Variants in SYNE1 observed in about 807,000 individuals in gnomAD.
The protein encoded by SYNE1 is nesprin-1.
A neutral mutation model predicts 1,111.0 loss-of-function variants in SYNE1; 616 were observed. That is an observed-to-expected ratio of 0.55 (90% confidence interval 0.52 to 0.59). The LOEUF is 0.59. SYNE1 is among the 20% of genes least tolerant of loss of function. The probability of loss-of-function intolerance (pLI) is 0.00; values close to 1 mark genes in which losing one functional copy is unlikely to be tolerated. For missense variants in SYNE1, 10,006 were observed against 10,417.0 expected (o/e 0.96, Z 1.72); for synonymous variants, 3,855 against 3,825.8 (o/e 1.01, Z -0.28).
At position 152,268,063 on chromosome 6, in the gene SYNE1, C is replaced by T; in HGVS notation, c.18808G>A (p.Asp6270Asn). The stretch of plus-strand genomic sequence containing the variant: ...AAGCATTTTGAAACATACCCAGCAT[C>T]ACCAGAGGTCTCTGCCGCCGAATGT... The part of the protein sequence containing the change: ...IQHSAAETSG[D>N]AGEKPDVLSQ... The change falls in exon 100 of 146, where the codon GAT (aspartate) becomes AAT (asparagine). Residue 6270 changes from aspartate (D) to asparagine (N), a missense_variant. Around this residue, in one of 7 missense-constraint regions of SYNE1, gnomAD observed 2,182 missense variants for 2,287.8 expected, o/e 0.95. Coordinates refer to ENST00000367255, the MANE Select transcript of SYNE1 (RefSeq NM_182961.4). 1 of 1,613,410 alleles carries T rather than the reference C, an allele frequency of 6.2e-7. No individual in the cohort carries two copies. The highest frequency in any genetic ancestry group is 8.5e-7 in the Non-Finnish European group (1 of 1,179,364).
chr6:152,585,653 C>T (rs960632321), intron 3 of SYNE1, among the ~76,000 whole-genome samples: 1 of 152,042 alleles, frequency 6.6e-6, no homozygotes, highest in Admixed American at 6.6e-5. Context: ...TTTTTAGGCA[C>T]TGAAATGTAC....
chr6:152,458,294 A>G (rs1160820756), intron 22 of SYNE1, among the ~76,000 whole-genome samples: 1 of 152,184 alleles, frequency 6.6e-6, no homozygotes, highest in Non-Finnish European at 1.5e-5. Context: ...TCTCTATAAC[A>G]CATCCCTTAT....
intron 124 of SYNE1, among the ~76,000 whole-genome samples, chr6:152,210,323 T>C (rs891858323): frequency 2.6e-5 from 4 of 152,220 alleles, no homozygotes; most frequent in African/African-American, 9.6e-5. Flanking sequence ...ATTTTTATTT[T>C]ACTTAATGAC....
At chr6:152,530,581 C>T (rs2449112) in intron 4 of SYNE1, among the ~76,000 whole-genome samples, 29,370 of 149,748 alleles carry the variant, frequency 0.2, 3,076 homozygotes, top group Middle Eastern at 0.33. Context: ...AGAAACAATT[C>T]ATAAGTTTTA....
chr6:152,236,029 A>G (rs2083941487), intron 110 of SYNE1, 78 bp downstream of exon 110: 1 of 1,496,646 alleles, frequency 6.7e-7, no homozygotes, highest in Admixed American at 1.7e-5. Flanking sequence ...GGTTTGAGCC[A>G]TCATCCCCCA....
At chr6:152,579,591 G>T (rs971922895) in intron 3 of SYNE1, among the ~76,000 whole-genome samples, 2 of 152,052 alleles carry the variant, frequency 1.3e-5, no homozygotes, top group Non-Finnish European at 2.9e-5. Flanking sequence ...TGTGTTGGGG[G>T]TTTACTATAC....
chr6:152,315,550 C>T (rs2095693725), intron 87 of SYNE1: 1 of 152,110 alleles, frequency 6.6e-6, no homozygotes, highest in African/African-American at 2.4e-5. Flanking sequence ...AATTATTTTT[C>T]AAAGAGATTT....
intron 131 of SYNE1, among the ~76,000 whole-genome samples, chr6:152,160,942 A>G (rs1225042863): frequency 6.6e-6 from 1 of 151,980 alleles, no homozygotes; most frequent in African/African-American, 2.4e-5. Context: ...AGATATATAT[A>G]TGAATATATA....
intron 48 of SYNE1, 27 bp downstream of exon 48, chr6:152,399,589 C>G: frequency 6.2e-7 from 1 of 1,613,188 alleles, no homozygotes; most frequent in Non-Finnish European, 8.5e-7. Flanking sequence ...AAACAAACTA[C>G]TCATGCTAAG....
chr6:152,174,039 G>A (rs1181590921), intron 130 of SYNE1, among the ~76,000 whole-genome samples: 2 of 152,176 alleles, frequency 1.3e-5, no homozygotes, highest in Non-Finnish European at 2.9e-5. Flanking sequence ...TAAGTTAGCT[G>A]CTTATGACTA....
rs770967581 is a variant in SYNE1 at position 152,233,761 on chromosome 6, G to A, written c.20712+20C>T. 6.2e-6 allele frequency: 10 copies of A among 1,614,038 alleles called. No individual in the cohort carries two copies. The highest frequency in any genetic ancestry group is 1.7e-5 in the Admixed American group (1 of 60,030). Reference sequence around the variant, plus strand: ...ATAGCTTAAGTCAGCTATTTCCCACGAAAGCAATCCTTTCTGTACCTGGTG... The same window carrying A: ...ATAGCTTAAGTCAGCTATTTCCCACAAAAGCAATCCTTTCTGTACCTGGTG... On this transcript the variant is annotated intron_variant, in intron 112 of 145. Transcript: ENST00000367255.
chr6:152,403,486 T>C (rs1232728645), intron 46 of SYNE1, among the ~76,000 whole-genome samples: 1 of 152,180 alleles, frequency 6.6e-6, no homozygotes, highest in Admixed American at 6.5e-5. Flanking sequence ...TTTGGGAGGC[T>C]GAGGCAGGCA....
At chr6:152,371,895 A>AGGACAGGACAGGAC (rs1563461063) in intron 59 of SYNE1, among the ~76,000 whole-genome samples, 23 of 111,420 alleles carry the variant, frequency 2.1e-4, no homozygotes, top group African/African-American at 9.4e-4. Flanking sequence ...AAGGAAAGGA[A>AGGACAGGACAGGAC]AGGAAAGGAA....
chr6:152,510,594 T>G (rs2099080190), intron 7 of SYNE1, among the ~76,000 whole-genome samples: 1 of 152,178 alleles, frequency 6.6e-6, no homozygotes, highest in Non-Finnish European at 1.5e-5. Context: ...GTAGAATACA[T>G]GAATGAATTA....
intron 6 of SYNE1, among the ~76,000 whole-genome samples, chr6:152,516,667 C>T (rs911949335): frequency 1.3e-5 from 2 of 152,132 alleles, no homozygotes; most frequent in Non-Finnish European, 2.9e-5. Flanking sequence ...TAGCCTCAAC[C>T]TCCCAGGCTC....
chr6:152,436,422 C>T (rs950184385), intron 32 of SYNE1, among the ~76,000 whole-genome samples: 1 of 152,016 alleles, frequency 6.6e-6, no homozygotes, highest in Non-Finnish European at 1.5e-5. Context: ...CTACCTCAAC[C>T]TCCTGAGTAG....
chr6:152,220,557 C>G (rs1202020623), intron 119 of SYNE1, among the ~76,000 whole-genome samples: 2 of 152,074 alleles, frequency 1.3e-5, no homozygotes, highest in East Asian at 3.9e-4. Context: ...ATATTGACCA[C>G]CCTAGAAAAC....
chr6:152,576,279 C>G (rs7749912), intron 3 of SYNE1, among the ~76,000 whole-genome samples: 41,129 of 152,074 alleles, frequency 0.27, 7,431 homozygotes, highest in African/African-American at 0.51. Context: ...TAAGGAATTA[C>G]TAGGCATTTA....
At chr6:152,559,901 G>C (rs191806047) in intron 3 of SYNE1, among the ~76,000 whole-genome samples, 8 of 152,130 alleles carry the variant, frequency 5.3e-5, no homozygotes, top group African/African-American at 1.9e-4. Context: ...AGAAAAGAGA[G>C]GAGATTCAAA....
Sources: allele counts gnomAD v4.1 joint callset (sites outside exome capture counted in the v4.1 genomes callset), GRCh38; gene constraint gnomAD v4.1.1; regional missense constraint gnomAD v4.1.1; transcripts MANE v1.5; gene names NCBI Gene and HGNC (gene_info 2026-07-23, HGNC 2026-07-21).